The following RPS6KC1 variants were observed in gnomAD, a reference collection of about 807,000 sequenced individuals.
RPS6KC1 encodes ribosomal protein S6 kinase C1.
Under a neutral mutation model 103.8 loss-of-function variants are expected in RPS6KC1, and 54 were observed. The ratio of observed to expected loss-of-function variants is 0.52; its 90% CI spans 0.42 to 0.65. The LOEUF (loss-of-function observed/expected upper bound fraction) is 0.65, where lower values mean the gene tolerates loss of function less well. Among genes scored for constraint, RPS6KC1 ranks in the 30% least tolerant of loss-of-function variants. The pLI is 0.00. For missense variants in RPS6KC1, 1,151 were observed against 1,253.8 expected, an observed-to-expected ratio of 0.92 and a Z score of 1.24; for synonymous variants, 439 against 438.7, an observed-to-expected ratio of 1.00 and a Z score of -0.01.
the RPS6KC1 span, among the ~76,000 whole-genome samples, chr1:213,826,642 G>A: frequency 6.6e-6 from 1 of 152,192 alleles, no homozygotes; most frequent in Non-Finnish European, 1.5e-5. Context: ...CCCTTCTAAG[G>A]TCAGGGCCTG....
the RPS6KC1 span, among the ~76,000 whole-genome samples, chr1:213,392,258 G>A: frequency 2.6e-5 from 4 of 152,078 alleles, no homozygotes; most frequent in East Asian, 5.8e-4. Flanking sequence ...CACTATGCAC[G>A]CAGCACTGCT....
intron 8 of RPS6KC1, among the ~76,000 whole-genome samples, chr1:213,226,155 A>G (rs976125958): frequency 6.6e-6 from 1 of 151,378 alleles, no homozygotes; most frequent in African/African-American, 2.4e-5. Context: ...CCCGGGAGGC[A>G]GAGCTTGAAG....
the RPS6KC1 span, among the ~76,000 whole-genome samples, chr1:213,785,974 G>A: frequency 6.6e-6 from 1 of 152,086 alleles, no homozygotes; most frequent in Non-Finnish European, 1.5e-5. Flanking sequence ...ATAGGTAAAG[G>A]AAGCCCTTGG....
At chr1:213,131,343 T>C (rs577676163) in intron 6 of RPS6KC1, among the ~76,000 whole-genome samples, 1 of 152,346 alleles carries the variant, frequency 6.6e-6, no homozygotes, top group South Asian at 2.1e-4. Context: ...CTATCACTTT[T>C]AAGGTTTCTA....
chr1:213,838,119 T>A, the RPS6KC1 span, among the ~76,000 whole-genome samples: 1 of 152,216 alleles, frequency 6.6e-6, no homozygotes, highest in African/African-American at 2.4e-5. Context: ...TTGTGTGTAA[T>A]TTTTATCATG....
the RPS6KC1 span, among the ~76,000 whole-genome samples, chr1:213,316,197 C>T: frequency 2.0e-5 from 3 of 152,244 alleles, no homozygotes; most frequent in Non-Finnish European, 2.9e-5. Context: ...CCCTGCTTTC[C>T]TCTCTCAGCT....
the RPS6KC1 span, among the ~76,000 whole-genome samples, chr1:213,797,889 G>A: frequency 1.3e-5 from 2 of 152,188 alleles, no homozygotes; most frequent in African/African-American, 4.8e-5. Context: ...AGGCTGAAAA[G>A]GATTACAAAG....
chr1:213,450,832 G>A, the RPS6KC1 span, among the ~76,000 whole-genome samples: 13 of 152,210 alleles, frequency 8.5e-5, no homozygotes, highest in Admixed American at 3.9e-4. Context: ...AAAATTAGCC[G>A]GGCATGCTGG....
chr1:213,530,516 C>T, the RPS6KC1 span, among the ~76,000 whole-genome samples: 1 of 112,948 alleles, frequency 8.9e-6, no homozygotes, highest in Non-Finnish European at 2.0e-5. Context: ...AGAGTCAGAG[C>T]AGCTAACCAA....
chr1:213,445,681 A>G, the RPS6KC1 span, among the ~76,000 whole-genome samples: 5 of 152,304 alleles, frequency 3.3e-5, no homozygotes, highest in Admixed American at 3.3e-4. Context: ...ACAAAACACA[A>G]CAAAACAGGA....
chr1:213,488,698 C>A, the RPS6KC1 span, among the ~76,000 whole-genome samples: 8,507 of 152,254 alleles, frequency 0.056, 531 homozygotes, highest in African/African-American at 0.15. Context: ...TCATTTCCTG[C>A]AAAACTGCAA....
intron 6 of RPS6KC1, among the ~76,000 whole-genome samples, chr1:213,150,243 A>G (rs534677170): frequency 6.6e-6 from 1 of 151,864 alleles, no homozygotes; most frequent in South Asian, 2.1e-4. Context: ...CCTCTAGTGA[A>G]GGTGATAGGA....
At chr1:213,355,647 C>A in the RPS6KC1 span, among the ~76,000 whole-genome samples, 1 of 152,176 alleles carries the variant, frequency 6.6e-6, no homozygotes, top group South Asian at 2.1e-4. Context: ...TAAGTTGTCT[C>A]TTGCAGAACA....
the RPS6KC1 span, among the ~76,000 whole-genome samples, chr1:213,804,699 G>C: frequency 0.087 from 13,260 of 152,180 alleles, 963 homozygotes; most frequent in East Asian, 0.21. Flanking sequence ...TTAAGGATAA[G>C]ATCTTACTCC....
chr1:213,252,608 A>T (rs907861932), intron 12 of RPS6KC1, among the ~76,000 whole-genome samples: 1 of 152,062 alleles, frequency 6.6e-6, no homozygotes, highest in African/African-American at 2.4e-5. Flanking sequence ...TCTTTTTTTG[A>T]TCCTGAAAGT....
chr1:213,343,939 AG>A, the RPS6KC1 span, among the ~76,000 whole-genome samples: 9 of 152,198 alleles, frequency 5.9e-5, no homozygotes, highest in Non-Finnish European at 1.0e-4. Context: ...TCTACTTCTA[AG>A]GAAGAATAAT....
At chr1:213,306,454 T>C in the RPS6KC1 span, among the ~76,000 whole-genome samples, 2 of 152,222 alleles carry the variant, frequency 1.3e-5, no homozygotes, top group African/African-American at 2.4e-5. Flanking sequence ...TTATGTAGGC[T>C]TTATGTTTCC....
chr1:213,671,100 CT>C, the RPS6KC1 span, among the ~76,000 whole-genome samples: 3 of 152,192 alleles, frequency 2.0e-5, no homozygotes, highest in African/African-American at 7.2e-5. Context: ...TCCAACCAGA[CT>C]TTTTTATTCA....
the RPS6KC1 span, among the ~76,000 whole-genome samples, chr1:213,305,251 A>AT: frequency 6.6e-6 from 1 of 151,342 alleles, no homozygotes; most frequent in East Asian, 2.0e-4. Context: ...CACCCAGCTA[A>AT]TTTTTTCTTA....
Sources: allele counts gnomAD v4.1 joint callset (sites outside exome capture counted in the v4.1 genomes callset), GRCh38; gene constraint gnomAD v4.1.1; transcripts MANE v1.5; gene names NCBI Gene and HGNC (gene_info 2026-07-23, HGNC 2026-07-21).